The following DMRT1 variants were observed in gnomAD, a reference collection of about 807,000 sequenced individuals.
DMRT1 encodes doublesex and mab-3 related transcription factor 1.
Under a neutral mutation model 32.3 loss-of-function variants are expected in DMRT1, and 7 were observed. The observed-to-expected ratio is 0.22, with a 90% CI of 0.12 to 0.41. The LOEUF (loss-of-function observed/expected upper bound fraction) is 0.41, where lower values mean the gene tolerates loss of function less well. Ranked by LOEUF, DMRT1 falls within the 10% of genes least tolerant of loss-of-function variation. DMRT1 has a pLI of 1.00. For missense variants in DMRT1, 625 were observed against 500.5 expected (o/e 1.25, Z -2.37); for synonymous variants, 278 against 206.1 (o/e 1.35, Z -2.99).
At chr9:966,655 C>A (rs1202142519) in intron 4 of DMRT1, among the ~76,000 whole-genome samples, 3 of 152,192 alleles carry the variant, frequency 2.0e-5, no homozygotes, top group African/African-American at 7.2e-5. Flanking sequence ...CTTCTTAAAT[C>A]CTAGCTCTGT....
chr9:968,177 C>G lies in DMRT1; in HGVS notation c.*38C>G. On this transcript the variant is annotated 3_prime_UTR_variant, in exon 5 of 5. Coordinates refer to ENST00000382276, the MANE Select transcript of DMRT1 (RefSeq NM_021951.3). ...GCCGATGGCGGTTCACTTGGAGTAA[C>G]AGGCTTATTCCACTTTCCATGGGGT... 6.2e-7 allele frequency: 1 copy of G among 1,611,116 alleles called. No homozygotes were observed. The highest frequency in any genetic ancestry group is 8.5e-7 in the Non-Finnish European group (1 of 1,178,494).
intron 1 of DMRT1, among the ~76,000 whole-genome samples, chr9:845,257 T>C (rs767788901): frequency 1.3e-5 from 2 of 152,126 alleles, no homozygotes; most frequent in Non-Finnish European, 2.9e-5. Flanking sequence ...TTGCCCAGGC[T>C]GGAGTGCAGT....
rs1819907071 is a variant in DMRT1, at chr9:965,582, TGAG to T, written c.968-2399_968-2397del. On this transcript the variant is annotated intron_variant, in intron 4 of 4. Coordinates refer to ENST00000382276, the MANE Select transcript of DMRT1 (RefSeq NM_021951.3). This position sits in a 1 kb window ranked among gnomAD's most constrained non-coding sequence, Gnocchi z 4.5. ...CCTTTTCAGTCCCAAGTTGGCTAAATGAGGAGAGGGCATCTCCCGGGGCATCTC... is the reference window on the plus strand; with the variant it reads ...CCTTTTCAGTCCCAAGTTGGCTAAATGAGAGGGCATCTCCCGGGGCATCTC... 6.6e-6 allele frequency among the ~76,000 whole-genome samples: 1 copy of T among 152,200 alleles called. No individual in the cohort carries two copies. The highest frequency in any genetic ancestry group is 1.5e-5 in the Non-Finnish European group (1 of 68,034).
intron 4 of DMRT1, among the ~76,000 whole-genome samples, chr9:932,450 A>G (rs1457302765): frequency 1.3e-5 from 2 of 152,214 alleles, no homozygotes; most frequent in Non-Finnish European, 2.9e-5. Flanking sequence ...TCTAATGTCT[A>G]TATAGACCAT....
At chr9:939,951 A>G (rs948632826) in intron 4 of DMRT1, among the ~76,000 whole-genome samples, 1 of 152,306 alleles carries the variant, frequency 6.6e-6, no homozygotes, top group South Asian at 2.1e-4. Flanking sequence ...CAAGAAGCAC[A>G]TGAAAAAAAT....
intron 2 of DMRT1, among the ~76,000 whole-genome samples, chr9:850,577 G>A (rs1839100977): frequency 6.6e-6 from 1 of 152,168 alleles, no homozygotes; most frequent in Non-Finnish European, 1.5e-5. Flanking sequence ...ATGATTTACT[G>A]CATGTACAGG....
intron 2 of DMRT1, among the ~76,000 whole-genome samples, chr9:890,800 G>T (rs975915990): frequency 1.3e-5 from 2 of 151,948 alleles, no homozygotes; most frequent in Non-Finnish European, 2.9e-5. Flanking sequence ...CTGCAACCTC[G>T]GCCTCCCAGG....
chr9:860,750 G>A (rs992675877), intron 2 of DMRT1, among the ~76,000 whole-genome samples: 35 of 152,230 alleles, frequency 2.3e-4, no homozygotes, highest in African/African-American at 7.5e-4. Context: ...AAGAAGGGAG[G>A]CCTCTCTAAG....
At chr9:874,573 C>G (rs1027059971) in intron 2 of DMRT1, among the ~76,000 whole-genome samples, 1 of 152,102 alleles carries the variant, frequency 6.6e-6, no homozygotes, top group African/African-American at 2.4e-5. Flanking sequence ...CATAAACTCC[C>G]TGCTCCTAGT....
At chr9:882,299 C>G (rs954036738) in intron 2 of DMRT1, among the ~76,000 whole-genome samples, 2 of 152,168 alleles carry the variant, frequency 1.3e-5, no homozygotes, top group Admixed American at 6.5e-5. Context: ...GGAGCACCCC[C>G]ATTCTCCTCC....
chr9:953,753 C>G lies in DMRT1; in HGVS notation c.968-14232C>G, dbSNP rs1030125507. ...GCATACTTACCTAGTGTGCTGATCA[C>G]GATTGGTCTAGGAAACAGATTGGCT... On this transcript the variant is annotated intron_variant, in intron 4 of 4. Transcript: ENST00000382276. Among the ~76,000 whole-genome samples the G allele has an allele frequency of 3.3e-5, 5 of 152,182 alleles. No individual in the cohort carries two copies. In the East Asian group the frequency reaches 9.6e-4, roughly 29 times the overall value.
intron 2 of DMRT1, among the ~76,000 whole-genome samples, chr9:869,470 C>T (rs536191122): frequency 1.2e-4 from 19 of 152,222 alleles, no homozygotes; most frequent in Admixed American, 3.9e-4. Flanking sequence ...TTTGAATTTC[C>T]GTCTCCGGGT....
chr9:915,775 C>G (rs1014291396), intron 3 of DMRT1, among the ~76,000 whole-genome samples: 1 of 150,540 alleles, frequency 6.6e-6, no homozygotes, highest in African/African-American at 2.5e-5. Flanking sequence ...CTCTGTCGCC[C>G]AGGCTGGAGT....
At chr9:952,638 T>C (rs1819465342) in intron 4 of DMRT1, among the ~76,000 whole-genome samples, 1 of 152,348 alleles carries the variant, frequency 6.6e-6, no homozygotes, top group East Asian at 1.9e-4. Flanking sequence ...TGACTGCTCT[T>C]TGCCCTGAGC....
chr9:866,163 C>CAAAAAAA lies in DMRT1; in HGVS notation c.538+19037_538+19043dup, dbSNP rs71327351. ...TGGGTGACAGAGTGAGAGTCCATCT[C>CAAAAAAA]AAAAAAAAAAAAAAAAAAAAAAAGA... On this transcript the variant is annotated intron_variant, in intron 2 of 4. Coordinates refer to ENST00000382276, the MANE Select transcript of DMRT1 (RefSeq NM_021951.3). Among the ~76,000 whole-genome samples the CAAAAAAA allele has an allele frequency of 5.9e-4, 31 of 52,576 alleles. 2 individuals carry two copies. Among genetic ancestry groups the CAAAAAAA allele is most frequent in the Admixed American group, 1.7e-3 (5 of 2,900 alleles). 34.5% of individuals were successfully genotyped at this position (52,576 alleles called of 152,430 possible).
chr9:854,881 T>A (rs1403622238), intron 2 of DMRT1, among the ~76,000 whole-genome samples: 4 of 149,946 alleles, frequency 2.7e-5, no homozygotes, highest in African/African-American at 7.4e-5. Context: ...TTCTCCTGCC[T>A]CAGCCTCCCG....
intron 2 of DMRT1, among the ~76,000 whole-genome samples, chr9:872,349 G>C (rs773902414): frequency 3.3e-5 from 5 of 152,180 alleles, no homozygotes; most frequent in Admixed American, 6.5e-5. Flanking sequence ...GCGTGAGCCA[G>C]TGCGCCCGGC....
At chr9:930,533 T>C (rs113613090) in intron 4 of DMRT1, among the ~76,000 whole-genome samples, 2,947 of 152,156 alleles carry the variant, frequency 0.019, 99 homozygotes, top group African/African-American at 0.068. Context: ...CTCAGCCTCC[T>C]GAGTAGCTGG....
chr9:894,074 C>G lies in DMRT1; in HGVS notation c.701C>G (p.Ala234Gly). The change falls in exon 3 of 5, where the codon GCC becomes GGC. Residue 234 changes from alanine to glycine, a missense_variant. Coordinates refer to ENST00000382276, the MANE Select transcript of DMRT1 (RefSeq NM_021951.3). The part of the protein sequence containing the change: ...NLYNCPQYSM[A>G]LAADSASGEV... ...TACAACTGCCCGCAGTACTCCATGGCCTTGGCTGCTGATTCTGCTTCTGGG... is the reference window on the plus strand; with the variant it reads ...TACAACTGCCCGCAGTACTCCATGGGCTTGGCTGCTGATTCTGCTTCTGGG... 6.2e-7 allele frequency: 1 copy of G among 1,614,264 alleles called. No individual in the cohort carries two copies. Among genetic ancestry groups the G allele is most frequent in the Non-Finnish European group, 8.5e-7 (1 of 1,180,048 alleles).
Sources: allele counts gnomAD v4.1 joint callset (sites outside exome capture counted in the v4.1 genomes callset), GRCh38; gene constraint gnomAD v4.1.1; non-coding constraint Gnocchi (gnomAD v3.1); transcripts MANE v1.5; gene names NCBI Gene and HGNC (gene_info 2026-07-23, HGNC 2026-07-21).